The following CELF2 variants were observed in gnomAD, a reference collection of about 807,000 sequenced individuals.
The protein encoded by CELF2 is CUG triplet repeat RNA-binding protein 2.
Under a neutral mutation model 62.6 loss-of-function variants are expected in CELF2, and 8 were observed. The ratio of observed to expected loss-of-function variants is 0.13; its 90% CI spans 0.07 to 0.23. The LOEUF is 0.23. Ranked by LOEUF, CELF2 falls within the 10% of genes least tolerant of loss-of-function variation. The pLI is 1.00. For missense variants in CELF2, 333 were observed against 671.0 expected, an observed-to-expected ratio of 0.50 and a Z score of 5.56; for synonymous variants, 258 against 250.0, an observed-to-expected ratio of 1.03 and a Z score of -0.30.
At position 10,849,960 on chromosome 10, in the gene CELF2, G is replaced by A. The variant is rs192147298; in HGVS notation, c.53+51143G>A. Among the ~76,000 whole-genome samples, 109 of 151,764 alleles carry A rather than the reference G, an allele frequency of 7.2e-4. No homozygotes were observed. In the Middle Eastern group the frequency reaches 0.014, roughly 19 times the overall value. ...GTTTGAGACCAGCCTGGCCAAAATA[G>A]TAAAACCCCATCTCTACTAAAAATA... On this transcript the variant is annotated intron_variant, in intron 1 of 13. Coordinates refer to the CELF2 transcript ENST00000636488.
Position 11,311,375 on chromosome 10 carries a change from C to A in CELF2, c.977-2764C>A, listed in dbSNP as rs538249197. ...CAAATGTAAGTCATCTTGAAAGAACCCATCTTCAACCCAGGCCTCAAATTA... is the reference window on the plus strand; with the variant it reads ...CAAATGTAAGTCATCTTGAAAGAACACATCTTCAACCCAGGCCTCAAATTA... On this transcript the variant is annotated intron_variant, in intron 9 of 12. Transcript: ENST00000633077. The surrounding 1 kb of genome is among the most constrained non-coding windows in gnomAD (Gnocchi z 4.7). Among the ~76,000 whole-genome samples, 1 of 152,184 alleles carries A rather than the reference C, an allele frequency of 6.6e-6. No homozygotes were observed. Among genetic ancestry groups the A allele is most frequent in the African/African-American group, 2.4e-5 (1 of 41,520 alleles).
chr10:11,193,061 A>G (rs1003104846), intron 2 of CELF2, among the ~76,000 whole-genome samples: 4 of 152,152 alleles, frequency 2.6e-5, no homozygotes, highest in African/African-American at 9.7e-5. Context: ...TCCAACAACT[A>G]CTGCAGGTCA....
chr10:11,291,291 T>G (rs914159997), intron 9 of CELF2, among the ~76,000 whole-genome samples: 13 of 152,268 alleles, frequency 8.5e-5, no homozygotes, highest in African/African-American at 3.1e-4. Flanking sequence ...AATTGTAAAT[T>G]TATCATTTCA....
intron 1 of CELF2, among the ~76,000 whole-genome samples, chr10:11,042,396 G>A (rs1408693950): frequency 6.6e-6 from 1 of 152,132 alleles, no homozygotes; most frequent in Admixed American, 6.5e-5. Flanking sequence ...TGATTGAACG[G>A]TCTCTCTTGA....
chr10:10,642,318 A>T, the CELF2 span, among the ~76,000 whole-genome samples: 1 of 152,038 alleles, frequency 6.6e-6, no homozygotes, highest in African/African-American at 2.4e-5. Context: ...CAACCTTCAT[A>T]CTCTCTCTGA....
intron 9 of CELF2, among the ~76,000 whole-genome samples, chr10:11,313,113 A>G (rs189508634): frequency 1.3e-5 from 2 of 152,346 alleles, no homozygotes; most frequent in East Asian, 1.9e-4. Flanking sequence ...AAGATATCCA[A>G]TGCAAAAACC....
Position 11,241,730 on chromosome 10 carries a change from G to A in CELF2, c.355-7423G>A, listed in dbSNP as rs148893458. ...TCAGGAGCATAATAGAACAGTGGCTGGAATTAGAGTCACTCATGAGGGAGA... is the reference window on the plus strand; with the variant it reads ...TCAGGAGCATAATAGAACAGTGGCTAGAATTAGAGTCACTCATGAGGGAGA... On this transcript the variant is annotated intron_variant, in intron 3 of 12. Transcript: ENST00000633077. 5.9e-5 allele frequency among the ~76,000 whole-genome samples: 9 copies of A among 152,200 alleles called. No homozygotes were observed. The East Asian group carries it at 1.7e-3, about 29-fold the overall frequency.
chr10:10,586,867 G>T, the CELF2 span, among the ~76,000 whole-genome samples: 1 of 152,114 alleles, frequency 6.6e-6, no homozygotes, highest in African/African-American at 2.4e-5. Flanking sequence ...GGAACCAGGT[G>T]GATTGTATAC....
At chr10:10,742,605 A>G in the CELF2 span, among the ~76,000 whole-genome samples, 2 of 147,550 alleles carry the variant, frequency 1.4e-5, no homozygotes, top group African/African-American at 2.5e-5. Flanking sequence ...AAAAAAAAAA[A>G]AAGAACATTT....
In CELF2 at chr10:11,300,189, AACAGG is replaced by A. The variant is rs2093586258; in HGVS notation, c.976+11642_976+11646del. On this transcript the variant is annotated intron_variant, in intron 9 of 12. Transcript: ENST00000633077. This position sits in a 1 kb window ranked among gnomAD's most constrained non-coding sequence, Gnocchi z 5.5. ...TGGGAATGAACATTAAAGGAGTGGA[AACAGG>A]ACAGCTGCTTTGGACGTGAGGAGCA... Among the ~76,000 whole-genome samples the A allele has an allele frequency of 6.6e-6, 1 of 152,234 alleles. No individual in the cohort carries two copies. Among genetic ancestry groups the A allele is most frequent in the African/African-American group, 2.4e-5 (1 of 41,460 alleles).
chr10:10,609,774 A>G, the CELF2 span, among the ~76,000 whole-genome samples: 3 of 152,198 alleles, frequency 2.0e-5, no homozygotes, highest in South Asian at 2.1e-4. Flanking sequence ...TAGCCAACTC[A>G]CCCAACTGGC....
chr10:11,111,714 C>A (rs988492883), intron 1 of CELF2, among the ~76,000 whole-genome samples: 1 of 152,224 alleles, frequency 6.6e-6, no homozygotes, highest in Non-Finnish European at 1.5e-5. Flanking sequence ...GATGCATCTT[C>A]CTGTGCTATG....
At chr10:10,656,101 C>G in the CELF2 span, among the ~76,000 whole-genome samples, 7 of 147,386 alleles carry the variant, frequency 4.7e-5, no homozygotes, top group Non-Finnish European at 1.1e-4. Flanking sequence ...ATTTATGCAG[C>G]CAAAAAACAC....
chr10:10,740,914 G>A, the CELF2 span, among the ~76,000 whole-genome samples: 1 of 152,132 alleles, frequency 6.6e-6, no homozygotes, highest in South Asian at 2.1e-4. Flanking sequence ...TAGCACTGAT[G>A]ACCAGGGCTG....
chr10:10,908,411 G>A (rs540959649), intron 1 of CELF2, among the ~76,000 whole-genome samples: 7 of 151,458 alleles, frequency 4.6e-5, no homozygotes, highest in South Asian at 4.2e-4. Context: ...TAGTAGAGAC[G>A]GGGTTTCACT....
chr10:10,530,384 G>A, the CELF2 span, among the ~76,000 whole-genome samples: 1 of 152,230 alleles, frequency 6.6e-6, no homozygotes, highest in East Asian at 1.9e-4. Context: ...AATTAGGAAT[G>A]TTTTTGTTGT....
intron 1 of CELF2, among the ~76,000 whole-genome samples, chr10:10,821,771 G>A (rs2056984859): frequency 6.6e-6 from 1 of 152,172 alleles, no homozygotes; most frequent in South Asian, 2.1e-4. Context: ...CTCCTGAATA[G>A]GTGGGAGTAT....
rs146102809 is a variant in CELF2 at position 11,191,607 on chromosome 10, A to T, written c.272-25818A>T. On this transcript the variant is annotated intron_variant, in intron 2 of 12. Coordinates refer to ENST00000633077, the MANE Select transcript of CELF2 (RefSeq NM_001326342.2). This position sits in a 1 kb window ranked among gnomAD's most constrained non-coding sequence, Gnocchi z 4.1. Reference sequence around the variant, plus strand: ...GGGAGGTTGGAGCCTGGGGCACCCCATGGCCTGCCCTTGGGTTTCATTTAA... The same window carrying T: ...GGGAGGTTGGAGCCTGGGGCACCCCTTGGCCTGCCCTTGGGTTTCATTTAA... Among the ~76,000 whole-genome samples the T allele has an allele frequency of 9.7e-3, 1,481 of 152,278 alleles. 21 individuals carry two copies. The highest frequency in any genetic ancestry group is 0.03 in the African/African-American group (1,261 of 41,552).
At chr10:10,614,088 A>G in the CELF2 span, among the ~76,000 whole-genome samples, 2 of 152,168 alleles carry the variant, frequency 1.3e-5, no homozygotes, top group Non-Finnish European at 1.5e-5. Flanking sequence ...AATTCATGAG[A>G]GTGGGCAGTA....
Sources: gnomAD v4.1 joint callset for allele counts (sites outside exome capture counted in the v4.1 genomes callset) on GRCh38, gnomAD v4.1.1 for gene constraint, Gnocchi (gnomAD v3.1) non-coding constraint, MANE v1.5 for transcripts, NCBI Gene and HGNC (gene_info 2026-07-23, HGNC 2026-07-21) for gene names.